The following GRIP1 variants were observed in gnomAD, a reference collection of about 807,000 sequenced individuals.
The protein encoded by GRIP1 is glutamate receptor-interacting protein 1.
Under a neutral mutation model 129.9 loss-of-function variants are expected in GRIP1, and 45 were observed. That is an observed-to-expected ratio of 0.35 (90% CI 0.27 to 0.44). The LOEUF is 0.44. GRIP1 is among the 20% of genes least tolerant of loss of function. The pLI, the probability that GRIP1 is intolerant of heterozygous loss-of-function variation, is 1.00. For missense variants in GRIP1, 1,196 were observed against 1,396.8 expected (o/e 0.86, Z 2.29); for synonymous variants, 530 against 520.8 (o/e 1.02, Z -0.24).
Position 66,468,553 on chromosome 12 carries a change from C to A in GRIP1, c.725-3131G>T, listed in dbSNP as rs75568795. On this transcript the variant is annotated intron_variant, in intron 7 of 24. Transcript: ENST00000359742. ...GTAAATTTTATAAAACTACAACCAA[C>A]CATTACCCAATACTCAAACAAAGTA... Among the ~76,000 whole-genome samples, 31 of 152,234 alleles carry A rather than the reference C, an allele frequency of 2.0e-4. No homozygotes were observed. In the East Asian group the frequency reaches 6.0e-3, roughly 29 times the overall value.
chr12:66,816,344 G>T (rs1225986950), intron 1 of GRIP1, among the ~76,000 whole-genome samples: 2 of 152,182 alleles, frequency 1.3e-5, no homozygotes, highest in Non-Finnish European at 2.9e-5. Flanking sequence ...TCAGCAAAGA[G>T]CCAGTATTTT....
intron 2 of GRIP1, among the ~76,000 whole-genome samples, chr12:66,588,775 C>T (rs981033217): frequency 1.3e-5 from 2 of 151,840 alleles, no homozygotes; most frequent in African/African-American, 2.4e-5. Context: ...TCAAGACCAG[C>T]CTGGCCAACA....
chr12:66,457,064 AGTTT>A (rs565043495), intron 9 of GRIP1, among the ~76,000 whole-genome samples: 5 of 152,262 alleles, frequency 3.3e-5, no homozygotes, highest in South Asian at 2.1e-4. Context: ...ATTTTAATAA[AGTTT>A]ATTTCAAACT....
intron 7 of GRIP1, among the ~76,000 whole-genome samples, chr12:66,511,019 C>T (rs144495283): frequency 0.022 from 3,348 of 152,186 alleles, 111 homozygotes; most frequent in African/African-American, 0.077. Context: ...TTGGCTGTGT[C>T]CCCATCCAAA....
At chr12:66,571,458 T>C (rs1358393085) in intron 2 of GRIP1, among the ~76,000 whole-genome samples, 1 of 152,224 alleles carries the variant, frequency 6.6e-6, no homozygotes, top group Non-Finnish European at 1.5e-5. Flanking sequence ...ACATACTTCC[T>C]GAAAATGTAT....
intron 7 of GRIP1, among the ~76,000 whole-genome samples, chr12:66,511,963 AG>A (rs2060712304): frequency 6.6e-6 from 1 of 152,062 alleles, no homozygotes; most frequent in Non-Finnish European, 1.5e-5. Flanking sequence ...TCATGGGAGC[AG>A]TTTTCTCCCA....
chr12:66,859,225 G>A (rs75806014), intron 1 of GRIP1, among the ~76,000 whole-genome samples: 10,829 of 125,460 alleles, frequency 0.086, 500 homozygotes, highest in Admixed American at 0.13. Context: ...AGCAAAATGA[G>A]GCCCAAAAGA....
intron 13 of GRIP1, among the ~76,000 whole-genome samples, chr12:66,436,668 G>GTA (rs2058314698): frequency 6.6e-6 from 1 of 152,128 alleles, no homozygotes; most frequent in South Asian, 2.1e-4. Context: ...TGTTTGTGGA[G>GTA]TATAGTACCT....
chr12:66,679,044 T>C lies in GRIP1; in HGVS notation c.-140A>G. On this transcript the variant is annotated 5_prime_UTR_variant, in exon 1 of 25. Transcript: ENST00000359742. ...GGGGAGTGACAAAGCTTAATTCCTC[T>C]TGGCTGATGCAGAGGTCCGCTACAT... The C allele has an allele frequency of 6.5e-7, 1 of 1,545,632 alleles. No homozygotes were observed. The highest frequency in any genetic ancestry group is 8.7e-7 in the Non-Finnish European group (1 of 1,145,074).
intron 1 of GRIP1, among the ~76,000 whole-genome samples, chr12:67,040,624 C>T (rs576251510): frequency 6.6e-6 from 1 of 152,262 alleles, no homozygotes; most frequent in African/African-American, 2.4e-5. Flanking sequence ...TCCTGTGTGA[C>T]CTTGAGTGGG....
intron 2 of GRIP1, among the ~76,000 whole-genome samples, chr12:66,576,477 C>G (rs2063143456): frequency 6.6e-6 from 1 of 152,134 alleles, no homozygotes; most frequent in Admixed American, 6.6e-5. Context: ...ACTATTTCAT[C>G]AAGTTGGAAA....
intron 1 of GRIP1, among the ~76,000 whole-genome samples, chr12:66,752,283 A>G (rs1465351222): frequency 6.6e-6 from 1 of 152,168 alleles, no homozygotes; most frequent in Non-Finnish European, 1.5e-5. Context: ...TTTATCAAAT[A>G]CCTACATAGT....
intron 1 of GRIP1, among the ~76,000 whole-genome samples, chr12:66,977,622 T>C (rs1046512999): frequency 6.6e-6 from 1 of 152,074 alleles, no homozygotes; most frequent in African/African-American, 2.4e-5. Flanking sequence ...TAGATTAGTT[T>C]TGCCCATTTT....
chr12:66,642,657 AATCTG>A (rs2032038142), intron 1 of GRIP1, among the ~76,000 whole-genome samples: 1 of 152,178 alleles, frequency 6.6e-6, no homozygotes, highest in Non-Finnish European at 1.5e-5. Context: ...GGCAGTTAAG[AATCTG>A]ATCTAAGTAA....
At chr12:66,915,257 ATGT>A in intron 1 of GRIP1, among the ~76,000 whole-genome samples, 1 of 152,166 alleles carries the variant, frequency 6.6e-6, no homozygotes, top group Admixed American at 6.5e-5. Context: ...AGTGAGGAAA[ATGT>A]TGTCATTTTC....
At position 66,746,090 on chromosome 12, in the gene GRIP1, A is replaced by C. The variant is rs1007281720; in HGVS notation, c.-420+57963T>G. On this transcript the variant is annotated intron_variant, in intron 1 of 4. Coordinates refer to the GRIP1 transcript ENST00000538373. ...AGGCAGAAGACAATACAAATTCTGC[A>C]TTGGCAGAATTTGCTGGCTGCCACA... 2.2e-4 allele frequency among the ~76,000 whole-genome samples: 33 copies of C among 152,204 alleles called. 1 individual carries two copies. The highest frequency in any genetic ancestry group is 8.0e-4 in the African/African-American group (33 of 41,450).
intron 1 of GRIP1, among the ~76,000 whole-genome samples, chr12:66,925,125 A>G (rs1036107855): frequency 1.1e-4 from 16 of 152,326 alleles, no homozygotes; most frequent in African/African-American, 3.6e-4. Context: ...GGAAGAGAGT[A>G]TAAGTAAGTA....
chr12:66,806,624 C>G (rs1183032259), upstream of GRIP1, among the ~76,000 whole-genome samples: 1 of 151,514 alleles, frequency 6.6e-6, no homozygotes, highest in Non-Finnish European at 1.5e-5. Context: ...TTGCATAGAA[C>G]AACTTAAAAC....
chr12:66,667,671 C>T (rs951800348), intron 1 of GRIP1, among the ~76,000 whole-genome samples: 1 of 152,116 alleles, frequency 6.6e-6, no homozygotes, highest in East Asian at 1.9e-4. Context: ...CTTGCCTATT[C>T]CTCAACTCCA....
Sources: gnomAD v4.1 joint callset for allele counts (sites outside exome capture counted in the v4.1 genomes callset) on GRCh38, gnomAD v4.1.1 for gene constraint, MANE v1.5 for transcripts, NCBI Gene and HGNC (gene_info 2026-07-23, HGNC 2026-07-21) for gene names.